The following CORO2B variants were observed in gnomAD, a reference collection of about 807,000 sequenced individuals.
CORO2B encodes coronin 2B.
Under a neutral mutation model 58.8 loss-of-function variants are expected in CORO2B, and 26 were observed. That is an observed-to-expected ratio of 0.44 (90% CI 0.32 to 0.61). The LOEUF (loss-of-function observed/expected upper bound fraction) is 0.61. Among genes scored for constraint, CORO2B ranks in the 20% least tolerant of loss-of-function variants. The probability of loss-of-function intolerance (pLI) is 0.04; values close to 1 mark genes in which losing one functional copy is unlikely to be tolerated. For missense variants in CORO2B, 460 were observed against 645.1 expected (o/e 0.71, Z 3.11); for synonymous variants, 242 against 253.8 (o/e 0.95, Z 0.44).
At chr15:68,721,203 A>C (rs1893151564) in intron 11 of CORO2B, among the ~76,000 whole-genome samples, 1 of 152,126 alleles carries the variant, frequency 6.6e-6, no homozygotes, top group South Asian at 2.1e-4. Context: ...ATTATTAATA[A>C]AAATAAGACC....
intron 11 of CORO2B, among the ~76,000 whole-genome samples, chr15:68,720,077 C>T (rs979914020): frequency 3.3e-5 from 5 of 152,186 alleles, no homozygotes; most frequent in African/African-American, 1.2e-4. Context: ...CCAGCCCACA[C>T]CCCCATTCCC....
At chr15:68,623,985 G>A (rs898235958) in intron 1 of CORO2B, among the ~76,000 whole-genome samples, 3 of 152,134 alleles carry the variant, frequency 2.0e-5, no homozygotes, top group Admixed American at 6.5e-5. Flanking sequence ...CCTCCAACAA[G>A]AAGGAGGATT....
chr15:68,676,843 C>T (rs1902604001), intron 2 of CORO2B, among the ~76,000 whole-genome samples: 1 of 152,058 alleles, frequency 6.6e-6, no homozygotes, highest in Non-Finnish European at 1.5e-5. Context: ...ACCATCACGA[C>T]TCACTGCAGT....
chr15:68,531,550 A>C, the CORO2B span, among the ~76,000 whole-genome samples: 306 of 56,856 alleles, frequency 5.4e-3, 4 homozygotes, highest in African/African-American at 0.016. Context: ...GAAGGAAGGA[A>C]GGAAGGAAAG....
intron 3 of CORO2B, among the ~76,000 whole-genome samples, chr15:68,702,616 C>G (rs1201276988): frequency 1.3e-5 from 2 of 151,968 alleles, no homozygotes; most frequent in African/African-American, 2.4e-5. Flanking sequence ...GAGGAGAGAG[C>G]TCCAGGAGCC....
At chr15:68,636,450 C>G (rs1373083289) in intron 1 of CORO2B, among the ~76,000 whole-genome samples, 2 of 152,224 alleles carry the variant, frequency 1.3e-5, no homozygotes, top group Non-Finnish European at 2.9e-5. Context: ...GTATCCTCCC[C>G]TCTAGAGACT....
intron 1 of CORO2B, among the ~76,000 whole-genome samples, chr15:68,583,476 C>T (rs1899479134): frequency 6.6e-6 from 1 of 152,176 alleles, no homozygotes; most frequent in Non-Finnish European, 1.5e-5. Context: ...TGAGCAGGCA[C>T]AAATGTTTTG....
the CORO2B span, among the ~76,000 whole-genome samples, chr15:68,549,184 T>C: frequency 3.3e-5 from 5 of 152,214 alleles, no homozygotes; most frequent in Non-Finnish European, 7.3e-5. Flanking sequence ...AAACAACCAC[T>C]GTTCATGTAT....
At chr15:68,555,577 G>A in the CORO2B span, among the ~76,000 whole-genome samples, 1 of 152,224 alleles carries the variant, frequency 6.6e-6, no homozygotes, top group Non-Finnish European at 1.5e-5. Flanking sequence ...CTGCCAGCAG[G>A]TGTCTGTGGG....
intron 1 of CORO2B, among the ~76,000 whole-genome samples, chr15:68,630,194 C>A (rs1900789621): frequency 6.6e-6 from 1 of 152,194 alleles, no homozygotes; most frequent in African/African-American, 2.4e-5. Context: ...GGGAAAAAAT[C>A]TCCTTTCAAG....
intron 2 of CORO2B, among the ~76,000 whole-genome samples, chr15:68,653,635 A>C (rs1901711534): frequency 6.6e-6 from 1 of 152,166 alleles, no homozygotes; most frequent in Admixed American, 6.5e-5. Flanking sequence ...TCTGGAGCTG[A>C]ATCTAGAAGT....
chr15:68,550,534 C>T, the CORO2B span, among the ~76,000 whole-genome samples: 1 of 152,122 alleles, frequency 6.6e-6, no homozygotes, highest in Non-Finnish European at 1.5e-5. Context: ...CTCTTATGGT[C>T]GATTGTAAAG....
chr15:68,708,605 G>T (rs1320950741), intron 3 of CORO2B, among the ~76,000 whole-genome samples: 1 of 151,444 alleles, frequency 6.6e-6, no homozygotes, highest in Non-Finnish European at 1.5e-5. Context: ...CTCGTGATCC[G>T]CCCACCTCGG....
At chr15:68,715,334 C>T in intron 8 of CORO2B, 23 bp downstream of exon 8, 1 of 1,548,550 alleles carries the variant, frequency 6.5e-7, no homozygotes, top group Non-Finnish European at 8.9e-7. Context: ...GAGGCTGCCA[C>T]AGCTGGTGTG....
the CORO2B span, among the ~76,000 whole-genome samples, chr15:68,541,399 G>A: frequency 2.6e-4 from 39 of 152,258 alleles, no homozygotes; most frequent in East Asian, 7.5e-3. Context: ...GTACATAAAT[G>A]AGTTCATACT....
the CORO2B span, among the ~76,000 whole-genome samples, chr15:68,543,749 C>T: frequency 2.6e-5 from 4 of 152,136 alleles, no homozygotes; most frequent in African/African-American, 9.7e-5. Context: ...TCCCCCAACA[C>T]AGCTGCAGAC....
intron 1 of CORO2B, among the ~76,000 whole-genome samples, chr15:68,633,533 A>ACACACACACACACT (rs1408849779): frequency 3.3e-5 from 5 of 151,842 alleles, no homozygotes; most frequent in African/African-American, 1.2e-4. Context: ...ACACACACAC[A>ACACACACACACACT]CACACACACA....
chr15:68,614,561 G>T (rs926218591), intron 1 of CORO2B, among the ~76,000 whole-genome samples: 14 of 152,176 alleles, frequency 9.2e-5, no homozygotes, highest in Non-Finnish European at 1.9e-4. Flanking sequence ...AAGACATGGG[G>T]ACTAAGACAA....
At chr15:68,589,668 C>G (rs1346426338) in intron 1 of CORO2B, among the ~76,000 whole-genome samples, 1 of 152,170 alleles carries the variant, frequency 6.6e-6, no homozygotes, top group Non-Finnish European at 1.5e-5. Context: ...TTCTAGGCTT[C>G]TAGTAGTTGC....
Sources: gnomAD v4.1 joint callset for allele counts (sites outside exome capture counted in the v4.1 genomes callset) on GRCh38, gnomAD v4.1.1 for gene constraint, MANE v1.5 for transcripts, NCBI Gene and HGNC (gene_info 2026-07-23, HGNC 2026-07-21) for gene names.